The following BAZ2B variants were observed in gnomAD, a reference collection of about 807,000 sequenced individuals.
The protein encoded by BAZ2B is bromodomain adjacent to zinc finger domain 2B, also known as bromodomain adjacent to zinc finger domain protein 2B.
A neutral mutation model predicts 246.0 loss-of-function variants in BAZ2B; 91 were observed. The ratio of observed to expected loss-of-function variants is 0.37; its 90% CI spans 0.31 to 0.44. BAZ2B has a LOEUF of 0.44. BAZ2B is among the 20% of genes least tolerant of loss of function. The pLI is 1.00. For missense variants in BAZ2B, 2,332 were observed against 2,533.7 expected (o/e 0.92, Z 1.71); for synonymous variants, 855 against 860.0 (o/e 0.99, Z 0.10).
At chr2:159,618,665 A>T (rs1346575786), upstream of BAZ2B, among the ~76,000 whole-genome samples, 8 of 149,810 alleles carry the variant, frequency 5.3e-5, no homozygotes, top group African/African-American at 1.9e-4. Context: ...TCTATGCGTA[A>T]AGTATTGAAT....
In BAZ2B at chr2:159,347,590, C is replaced by T; in HGVS notation, c.5350G>A (p.Glu1784Lys). Residue 1784 changes from glutamate to lysine, a missense_variant, in exon 31 of 37, where the codon GAG becomes AAG. Physicochemically the swap from Glu to Lys is moderately conservative, Grantham distance 56. Around this residue, in one of 9 missense-constraint regions of BAZ2B, gnomAD observed 676 missense variants for 668.6 expected, o/e 1.01. Coordinates refer to ENST00000392783, the MANE Select transcript of BAZ2B (RefSeq NM_013450.4). ...GCTTGTTCTTCTACTGACCAGTTCT[C>T]CACAATATCTCGAGTTACTTGGTTT... is the stretch of plus-strand genomic sequence containing the variant. ...EENQVTRDIV[E>K]NWSVEEQAME... 6.2e-7 allele frequency: 1 copy of T among 1,612,932 alleles called. No homozygotes were observed. The highest frequency in any genetic ancestry group is 8.5e-7 in the Non-Finnish European group (1 of 1,179,130).
At chr2:159,702,900 C>T in the BAZ2B span, among the ~76,000 whole-genome samples, 263 of 151,628 alleles carry the variant, frequency 1.7e-3, 1 homozygote, top group African/African-American at 3.0e-3. Flanking sequence ...ATTAGCTGGG[C>T]GTGGTGGCAG....
At chr2:159,474,406 T>C (rs1415386231) in intron 3 of BAZ2B, among the ~76,000 whole-genome samples, 3 of 152,174 alleles carry the variant, frequency 2.0e-5, no homozygotes, top group Non-Finnish European at 4.4e-5. Context: ...TTCCATTTTC[T>C]TGGTAAATAT....
At chr2:159,372,986 A>C in intron 27 of BAZ2B, 59 bp downstream of exon 27, 1 of 1,498,334 alleles carries the variant, frequency 6.7e-7, no homozygotes, top group Non-Finnish European at 9.0e-7. Flanking sequence ...AAGAAGTAAC[A>C]GAGTTTTAAA....
the BAZ2B span, among the ~76,000 whole-genome samples, chr2:159,691,901 G>A: frequency 6.6e-6 from 1 of 152,156 alleles, no homozygotes; most frequent in Non-Finnish European, 1.5e-5. Flanking sequence ...GCAATAGGAA[G>A]CAGCTGCAAA....
chr2:159,316,048 C>T (rs190952171), downstream of BAZ2B, among the ~76,000 whole-genome samples: 4 of 152,080 alleles, frequency 2.6e-5, no homozygotes, highest in East Asian at 3.9e-4. Flanking sequence ...TGTGTACATA[C>T]GTATTTTTCA....
At chr2:159,643,014 C>T in the BAZ2B span, among the ~76,000 whole-genome samples, 1 of 152,178 alleles carries the variant, frequency 6.6e-6, no homozygotes, top group African/African-American at 2.4e-5. Context: ...AAGTTCCTGA[C>T]TTAATATCTA....
At chr2:159,480,034 G>GT (rs2150942428) in intron 2 of BAZ2B, among the ~76,000 whole-genome samples, 1 of 152,238 alleles carries the variant, frequency 6.6e-6, no homozygotes, top group Non-Finnish European at 1.5e-5. Context: ...TAAAGAGTAG[G>GT]TTTTGGGTCA....
intron 13 of BAZ2B, among the ~76,000 whole-genome samples, chr2:159,427,703 GAATT>G (rs1246444786): frequency 6.6e-6 from 1 of 152,002 alleles, no homozygotes; most frequent in Non-Finnish European, 1.5e-5. Flanking sequence ...GTTATTGGTT[GAATT>G]AATAAACAGA....
At chr2:159,469,309 A>G (rs2077484329) in intron 3 of BAZ2B, among the ~76,000 whole-genome samples, 1 of 152,164 alleles carries the variant, frequency 6.6e-6, no homozygotes, top group Non-Finnish European at 1.5e-5. Context: ...ATCTGGAACA[A>G]CTTTGGGCCC....
the BAZ2B span, among the ~76,000 whole-genome samples, chr2:159,629,900 C>T: frequency 6.6e-6 from 1 of 151,940 alleles, no homozygotes; most frequent in Non-Finnish European, 1.5e-5. Flanking sequence ...ACAGTGAATT[C>T]CAGTATTTAT....
At chr2:159,677,059 C>A in the BAZ2B span, among the ~76,000 whole-genome samples, 3 of 145,312 alleles carry the variant, frequency 2.1e-5, no homozygotes, top group South Asian at 6.5e-4. Context: ...GGATAGAAGT[C>A]CTGTATTGTG....
intron 1 of BAZ2B, among the ~76,000 whole-genome samples, chr2:159,592,616 A>G (rs556854176): frequency 1.4e-4 from 22 of 152,332 alleles, no homozygotes; most frequent in Middle Eastern, 3.4e-3. Flanking sequence ...GCCATGTCAG[A>G]CACAGCACCA....
At chr2:159,581,314 TG>T (rs1382784680) in intron 1 of BAZ2B, among the ~76,000 whole-genome samples, 1 of 151,960 alleles carries the variant, frequency 6.6e-6, no homozygotes. Context: ...AACAGACACA[TG>T]AAAAAATGCT....
the BAZ2B span, among the ~76,000 whole-genome samples, chr2:159,685,507 C>G: frequency 6.6e-6 from 1 of 151,736 alleles, no homozygotes; most frequent in African/African-American, 2.4e-5. Context: ...AACAAAGAAA[C>G]CTTGAAGAAA....
intron 2 of BAZ2B, among the ~76,000 whole-genome samples, chr2:159,491,347 C>T (rs1166823749): frequency 1.3e-5 from 2 of 152,088 alleles, no homozygotes; most frequent in East Asian, 3.9e-4. Context: ...TAGTTTAACA[C>T]GTGCCTATCT....
chr2:159,611,348 A>C (rs1210192178), intron 1 of BAZ2B, among the ~76,000 whole-genome samples: 1 of 151,884 alleles, frequency 6.6e-6, no homozygotes, highest in African/African-American at 2.4e-5. Flanking sequence ...CAACAAAAAT[A>C]TGTTATGAGT....
At chr2:159,367,899 T>G (rs1161580596) in intron 27 of BAZ2B, among the ~76,000 whole-genome samples, 2 of 151,864 alleles carry the variant, frequency 1.3e-5, no homozygotes, top group Non-Finnish European at 2.9e-5. Context: ...AAAAAAAAAG[T>G]AATAAATAAG....
intron 4 of BAZ2B, among the ~76,000 whole-genome samples, chr2:159,451,178 A>G (rs921279851): frequency 6.6e-6 from 1 of 152,212 alleles, no homozygotes; most frequent in African/African-American, 2.4e-5. Context: ...ATTTAATATG[A>G]AAATTAACTA....
Sources: gnomAD v4.1 joint callset for allele counts (sites outside exome capture counted in the v4.1 genomes callset) on GRCh38, gnomAD v4.1.1 for gene constraint, gnomAD v4.1.1 regional missense constraint, MANE v1.5 for transcripts, NCBI Gene and HGNC (gene_info 2026-07-23, HGNC 2026-07-21) for gene names.